GRXCR2: variants seen among roughly 807,000 people sequenced by gnomAD.
The protein encoded by GRXCR2 is glutaredoxin domain-containing cysteine-rich protein 2.
In GRXCR2, 23 loss-of-function variants were observed where a neutral mutation model predicts 24.8. The ratio of observed to expected loss-of-function variants is 0.93; its 90% CI spans 0.67 to 1.32. The LOEUF is 1.32. Ranked by LOEUF, GRXCR2 falls within the 40% of genes most tolerant of loss-of-function variation. The probability of loss-of-function intolerance (pLI) is 0.00; values close to 1 mark genes in which losing one functional copy is unlikely to be tolerated. For synonymous variants in GRXCR2, 130 were observed against 116.1 expected (o/e 1.12, Z -0.77); for missense variants, 315 against 303.4 (o/e 1.04, Z -0.28).
At chr5:145,924,452 T>G (rs1757363997) in intron 2 of GRXCR2, among the ~76,000 whole-genome samples, 1 of 152,194 alleles carries the variant, frequency 6.6e-6, no homozygotes, top group Non-Finnish European at 1.5e-5. Context: ...TGTTTCAGGC[T>G]TATCTCCCTT....
At position 145,909,502 on chromosome 5, in the gene GRXCR2, C is replaced by G. The variant is rs193216201; in HGVS notation, c.-70+26199G>C. The stretch of plus-strand genomic sequence containing the variant: ...CACTTTCAGAGAAGACTTTCCTGAC[C>G]ATCAAACTAAAGCAGTCTCTATTGC... On this transcript the variant is annotated intron_variant, in intron 2 of 3. Transcript: ENST00000639411. Among the ~76,000 whole-genome samples the G allele has an allele frequency of 1.1e-4, 16 of 152,322 alleles. No individual in the cohort carries two copies. The East Asian group carries it at 2.9e-3, about 28-fold the overall frequency.
chr5:145,860,463 A>G (rs560724079), intron 2 of GRXCR2, among the ~76,000 whole-genome samples: 1 of 152,192 alleles, frequency 6.6e-6, no homozygotes, highest in Non-Finnish European at 1.5e-5. Context: ...CTCTCATCTC[A>G]GCGATTTGAG....
At chr5:145,863,957 T>C (rs1196296025) in intron 2 of GRXCR2, among the ~76,000 whole-genome samples, 1 of 152,216 alleles carries the variant, frequency 6.6e-6, no homozygotes, top group African/African-American at 2.4e-5. Context: ...ATACTGGAAC[T>C]ACAATGTTGC....
chr5:145,914,242 C>T (rs962095125), intron 2 of GRXCR2, among the ~76,000 whole-genome samples: 4 of 152,066 alleles, frequency 2.6e-5, no homozygotes, highest in Non-Finnish European at 5.9e-5. Context: ...GTCTACACTT[C>T]AACAAGCAGC....
chr5:145,878,529 G>A (rs573148271), intron 2 of GRXCR2, among the ~76,000 whole-genome samples: 13 of 152,108 alleles, frequency 8.5e-5, no homozygotes, highest in South Asian at 6.3e-4. Flanking sequence ...CAAAGCCTCC[G>A]AGAAATATGG....
At chr5:145,875,765 C>T (rs7701544), upstream of GRXCR2, among the ~76,000 whole-genome samples, 16,127 of 152,136 alleles carry the variant, frequency 0.11, 1,891 homozygotes, top group African/African-American at 0.29. Context: ...GTCTGGGACA[C>T]ACCATCAATG....
chr5:145,917,930 C>A (rs905594232), intron 2 of GRXCR2, among the ~76,000 whole-genome samples: 1 of 152,186 alleles, frequency 6.6e-6, no homozygotes, highest in Non-Finnish European at 1.5e-5. Context: ...CAGGTGCCCA[C>A]CACCATGCAC....
At chr5:145,867,941 A>G (rs900877872) in intron 1 of GRXCR2, among the ~76,000 whole-genome samples, 3 of 151,904 alleles carry the variant, frequency 2.0e-5, no homozygotes, top group African/African-American at 7.3e-5. Context: ...GGAGCCTCTA[A>G]CATCCCTAAA....
At chr5:145,921,009 C>A (rs865976312) in intron 2 of GRXCR2, among the ~76,000 whole-genome samples, 8 of 152,328 alleles carry the variant, frequency 5.3e-5, no homozygotes, top group African/African-American at 1.9e-4. Context: ...GAACTATGAG[C>A]AATAAATTTC....
upstream of GRXCR2, among the ~76,000 whole-genome samples, chr5:145,876,596 C>T (rs1756621504): frequency 2.0e-5 from 3 of 152,110 alleles, no homozygotes; most frequent in South Asian, 6.2e-4. Flanking sequence ...GTCAAGTAAA[C>T]ATTTTCAATT....
intron 2 of GRXCR2, among the ~76,000 whole-genome samples, chr5:145,925,484 T>C (rs543257264): frequency 1.6e-4 from 24 of 152,274 alleles, no homozygotes; most frequent in African/African-American, 4.8e-4. Context: ...GAGCTGTTAC[T>C]GGTGAAGCTA....
intron 2 of GRXCR2, among the ~76,000 whole-genome samples, chr5:145,912,188 G>C (rs781054649): frequency 1.3e-5 from 2 of 152,246 alleles, no homozygotes; most frequent in Non-Finnish European, 1.5e-5. Context: ...TGTTCTGCCA[G>C]TGCTGGGCGG....
chr5:145,871,116 G>A (rs2149911571), intron 1 of GRXCR2, among the ~76,000 whole-genome samples: 1 of 152,126 alleles, frequency 6.6e-6, no homozygotes. Context: ...GCTAAATTTA[G>A]CACATGACTT....
chr5:145,870,894 A>C (rs422909), intron 1 of GRXCR2, among the ~76,000 whole-genome samples: 3,156 of 152,190 alleles, frequency 0.021, 110 homozygotes, highest in African/African-American at 0.072. Context: ...ACTGTGTTTT[A>C]ACCAACTGAG....
rs571235702 is a variant in GRXCR2, at chr5:145,859,258, C to G, written c.*475G>C. 6.2e-6 allele frequency: 1 copy of G among 160,636 alleles called. No individual in the cohort carries two copies. Among genetic ancestry groups the G allele is most frequent in the African/African-American group, 2.4e-5 (1 of 41,454 alleles). 10.0% of individuals were successfully genotyped at this position (160,636 alleles called of 1,614,324 possible). A position where few individuals can be genotyped will look rare whatever the true frequency, so the allele number is the denominator to read the frequency against. On this transcript the variant is annotated 3_prime_UTR_variant, in exon 3 of 3. Coordinates refer to ENST00000377976, the MANE Select transcript of GRXCR2 (RefSeq NM_001080516.2). The stretch of plus-strand genomic sequence containing the variant: ...GCTAGTGCGTTCAGCGTTGGCTGTC[C>G]GTTTCCTCTTCTGCTTAATCAGAAA...
chr5:145,863,091 T>G (rs1756367848), intron 2 of GRXCR2, among the ~76,000 whole-genome samples: 1 of 152,208 alleles, frequency 6.6e-6, no homozygotes, highest in Non-Finnish European at 1.5e-5. Flanking sequence ...TTGCTGTGGC[T>G]CGATTCAATT....
chr5:145,924,400 T>C (rs1177851795), intron 2 of GRXCR2, among the ~76,000 whole-genome samples: 2 of 152,166 alleles, frequency 1.3e-5, no homozygotes, highest in African/African-American at 4.8e-5. Flanking sequence ...CACTATTTTA[T>C]CTCAATAATA....
intron 2 of GRXCR2, among the ~76,000 whole-genome samples, chr5:145,880,033 C>T (rs1756675737): frequency 6.6e-6 from 1 of 152,138 alleles, no homozygotes; most frequent in Non-Finnish European, 1.5e-5. Context: ...CTCTGGGACA[C>T]ATTTAAAGCA....
chr5:145,923,716 C>T (rs1360839228), intron 2 of GRXCR2, among the ~76,000 whole-genome samples: 1 of 152,178 alleles, frequency 6.6e-6, no homozygotes, highest in African/African-American at 2.4e-5. Flanking sequence ...CAAAATCCTT[C>T]TATAATGTTA....
Sources: allele counts gnomAD v4.1 joint callset (sites outside exome capture counted in the v4.1 genomes callset), GRCh38; gene constraint gnomAD v4.1.1; transcripts MANE v1.5; gene names NCBI Gene and HGNC (gene_info 2026-07-23, HGNC 2026-07-21).